PDK2: variants seen among roughly 807,000 people sequenced by gnomAD.
PDK2 encodes pyruvate dehydrogenase kinase 2.
In PDK2, 34 loss-of-function variants were observed where a neutral mutation model predicts 50.4. The ratio of observed to expected loss-of-function variants is 0.68; its 90% CI spans 0.51 to 0.90. The LOEUF is 0.90. Ranked by LOEUF, PDK2 falls within the 40% of genes least tolerant of loss-of-function variation. The pLI is 0.00. For synonymous variants in PDK2, 232 were observed against 216.0 expected (o/e 1.07, Z -0.65); for missense variants, 377 against 544.5 (o/e 0.69, Z 3.06).
chr17:50,095,591 G>C (rs767354475), intron 1 of PDK2, 38 bp downstream of exon 1: 3 of 1,551,560 alleles, frequency 1.9e-6, no homozygotes, highest in Non-Finnish European at 2.6e-6. Flanking sequence ...AGCGGAGGCC[G>C]GCGGGGCGCT....
chr17:50,097,511 C>A lies in PDK2; in HGVS notation c.207C>A (p.Asn69Lys). The A allele has an allele frequency of 6.2e-7, 1 of 1,613,960 alleles. No individual in the cohort carries two copies. The highest frequency in any genetic ancestry group is 8.5e-7 in the Non-Finnish European group (1 of 1,180,022). The change falls in exon 2 of 11, where the codon AAC becomes AAA. Residue 69 changes from asparagine (N) to lysine (K), a missense_variant. Coordinates refer to ENST00000503176, the MANE Select transcript of PDK2 (RefSeq NM_002611.5). The stretch of plus-strand genomic sequence containing the variant: ...TGGCCAACATCATGAAAGAGATCAA[C>A]CTGCTTCCCGACCGAGTGCTGAGCA... The part of the protein sequence containing the change: ...VRLANIMKEI[N>K]LLPDRVLSTP...
At chr17:50,105,519 A>G in intron 3 of PDK2, 77 bp downstream of exon 3, 1 of 1,207,882 alleles carries the variant, frequency 8.3e-7, no homozygotes, top group Non-Finnish European at 1.2e-6. Flanking sequence ...CTGGGGCAGA[A>G]GTACAGCAGG....
chr17:50,106,255 G>A, intron 4 of PDK2, 186 bp downstream of exon 4: 1 of 1,403,886 alleles, frequency 7.1e-7, no homozygotes, highest in Non-Finnish European at 9.3e-7. Flanking sequence ...CTTTCTCATT[G>A]ATTTTCCATT....
At chr17:50,102,037 TA>T (rs1278939757) in intron 2 of PDK2, 2 of 152,230 alleles carry the variant, frequency 1.3e-5, no homozygotes, top group Non-Finnish European at 2.9e-5. Context: ...CTCCCTTATA[TA>T]AGCCCAGTTC....
chr17:50,108,023 G>A, intron 6 of PDK2, 133 bp from the exon 7 acceptor site: 1 of 702,858 alleles, frequency 1.4e-6, no homozygotes, highest in South Asian at 1.7e-5. Flanking sequence ...CTCAAGGGAG[G>A]CTGGGGATTT....
chr17:50,105,327 A>C (rs775020449), intron 2 of PDK2, 44 bp from the exon 3 acceptor site: 4 of 1,473,804 alleles, frequency 2.7e-6, no homozygotes, highest in Non-Finnish European at 3.7e-6. Context: ...AGGAGGGGCT[A>C]GCCACCTGAA....
chr17:50,108,266 G>C (rs775548938), intron 7 of PDK2, 34 bp downstream of exon 7: 2 of 1,604,950 alleles, frequency 1.2e-6, no homozygotes, highest in Non-Finnish European at 1.7e-6. Flanking sequence ...TTTGCGGGGA[G>C]CGTGAGTAGG....
chr17:50,108,048 C>A, intron 6 of PDK2, 108 bp from the exon 7 acceptor site: 2 of 822,590 alleles, frequency 2.4e-6, no homozygotes, highest in East Asian at 2.7e-5. Context: ...TCTCGCTGGG[C>A]AGCCATGTAC....
chr17:50,110,074 A>C lies in PDK2; in HGVS notation c.1201A>C (p.Thr401Pro). ...WCVPSTEPKNTSTYRVS is the reference protein window; with the variant it reads ...WCVPSTEPKNPSTYRVS ...TGTGCCCAGCACGGAGCCCAAGAACACGTCCACGTACCGCGTCAGCTAAGG... is the reference window on the plus strand; with the variant it reads ...TGTGCCCAGCACGGAGCCCAAGAACCCGTCCACGTACCGCGTCAGCTAAGG... Residue 401 changes from threonine (T) to proline (P), a missense_variant, in exon 11 of 11, where the codon ACG becomes CCG. Around this residue, in one of 3 missense-constraint regions of PDK2, gnomAD observed 214 missense variants for 294.0 expected, o/e 0.73. Coordinates refer to ENST00000503176, the MANE Select transcript of PDK2 (RefSeq NM_002611.5). The C allele has an allele frequency of 6.2e-7, 1 of 1,609,608 alleles. No homozygotes were observed. The highest frequency in any genetic ancestry group is 1.1e-5 in the South Asian group (1 of 90,428).
chr17:50,100,680 A>G (rs1254209350), intron 2 of PDK2: 1 of 152,224 alleles, frequency 6.6e-6, no homozygotes. Flanking sequence ...CTAAGTGTCT[A>G]CGCGTATTAA....
Position 50,106,816 on chromosome 17 carries a change from C to G in PDK2, c.540C>G (p.Thr180=). Residue 180 remains threonine, a synonymous_variant, in exon 5 of 11, where the codon ACC becomes ACG. Coordinates refer to ENST00000503176, the MANE Select transcript of PDK2 (RefSeq NM_002611.5). The part of the protein sequence containing the change: ...NQHTLIFDGS[T]NPAHPKHIGS... ...CAGCCCTCATCTTTGATGGCAGCACCAACCCAGCCCATCCCAAACACATCG... is the reference window on the plus strand; with the variant it reads ...CAGCCCTCATCTTTGATGGCAGCACGAACCCAGCCCATCCCAAACACATCG... The G allele has an allele frequency of 6.2e-7, 1 of 1,614,134 alleles. No homozygotes were observed. Among genetic ancestry groups the G allele is most frequent in the Non-Finnish European group, 8.5e-7 (1 of 1,180,006 alleles).
intron 1 of PDK2, among the ~76,000 whole-genome samples, chr17:50,096,830 C>T (rs911020867): frequency 1.3e-5 from 2 of 152,232 alleles, no homozygotes; most frequent in Admixed American, 6.5e-5. Flanking sequence ...AGGCCATATT[C>T]GGTCCCCCAC....
chr17:50,109,066 C>T lies in PDK2; in HGVS notation c.970-221C>T, dbSNP rs79221422. 0.021 allele frequency among the ~76,000 whole-genome samples: 3,270 copies of T among 152,164 alleles called. 52 individuals carry two copies. The highest frequency in any genetic ancestry group is 0.031 in the South Asian group (151 of 4,814). ...CTGACTTCCTGGCCCCTGAGCGGAACTCCTCTCTCTGCCCAAGCCTCCCTC... is the reference window on the plus strand; with the variant it reads ...CTGACTTCCTGGCCCCTGAGCGGAATTCCTCTCTCTGCCCAAGCCTCCCTC... On this transcript the variant is annotated intron_variant, in intron 9 of 10. Coordinates refer to ENST00000503176, the MANE Select transcript of PDK2 (RefSeq NM_002611.5). This position sits in a 1 kb window ranked among gnomAD's most constrained non-coding sequence, Gnocchi z 5.0.
intron 6 of PDK2, among the ~76,000 whole-genome samples, chr17:50,107,354 G>A (rs1202137370): frequency 6.6e-6 from 1 of 152,180 alleles, no homozygotes; most frequent in African/African-American, 2.4e-5. Context: ...GCTAAGGCAG[G>A]CCAATCACTT....
At chr17:50,106,624 G>T in intron 4 of PDK2, 170 bp from the exon 5 acceptor site, 2 of 640,990 alleles carry the variant, frequency 3.1e-6, no homozygotes, top group Non-Finnish European at 5.5e-6. Context: ...GGCTGGAGGG[G>T]TCAGGGGTCA....
At chr17:50,106,133 G>A (rs140747393) in intron 4 of PDK2, 64 bp downstream of exon 4, 30,813 of 1,548,844 alleles carry the variant, frequency 0.02, 374 homozygotes, top group Non-Finnish European at 0.021. Flanking sequence ...GCCCAGGGCC[G>A]GGCTGCTGAG....
chr17:50,107,351 C>A lies in PDK2; in HGVS notation c.685+198C>A, dbSNP rs566552271. 4.6e-5 allele frequency among the ~76,000 whole-genome samples: 7 copies of A among 152,262 alleles called. No homozygotes were observed. The South Asian group carries it at 1.5e-3, about 32-fold the overall frequency. On this transcript the variant is annotated intron_variant, in intron 6 of 10. Transcript: ENST00000503176. ...ATCTCAGCACTTTGGGAAGCTAAGG[C>A]AGGCCAATCACTTGAGGTCAGGAGT... is the stretch of plus-strand genomic sequence containing the variant.
intron 1 of PDK2, chr17:50,095,910 A>AG: frequency 1.5e-6 from 1 of 654,792 alleles, no homozygotes; most frequent in Non-Finnish European, 1.9e-6. Context: ...CTGGAGGAGT[A>AG]GGGGCCCCTC....
chr17:50,097,308 C>G (rs1308535897), intron 1 of PDK2, 115 bp from the exon 2 acceptor site: 1 of 1,031,856 alleles, frequency 9.7e-7, no homozygotes, highest in South Asian at 1.5e-5. Context: ...GTGCCCCGGG[C>G]AGGTCACTTG....
Sources: allele counts gnomAD v4.1 joint callset (sites outside exome capture counted in the v4.1 genomes callset), GRCh38; gene constraint gnomAD v4.1.1; regional missense constraint gnomAD v4.1.1; non-coding constraint Gnocchi (gnomAD v3.1); transcripts MANE v1.5; gene names NCBI Gene and HGNC (gene_info 2026-07-23, HGNC 2026-07-21).